Variants in ATP2B4 observed in about 807,000 individuals in gnomAD.
ATP2B4 encodes plasma membrane calcium-transporting ATPase 4.
A neutral mutation model predicts 110.3 loss-of-function variants in ATP2B4; 39 were observed. The observed-to-expected ratio is 0.35, with a 90% confidence interval of 0.27 to 0.46. The LOEUF (loss-of-function observed/expected upper bound fraction) is 0.46. Ranked by LOEUF, ATP2B4 falls within the 20% of genes least tolerant of loss-of-function variation. The probability of loss-of-function intolerance (pLI) is 1.00; values close to 1 mark genes in which losing one functional copy is unlikely to be tolerated. For missense variants in ATP2B4, 1,135 were observed against 1,530.9 expected (o/e 0.74, Z 4.32); for synonymous variants, 538 against 571.7 (o/e 0.94, Z 0.84).
intron 8 of ATP2B4, among the ~76,000 whole-genome samples, chr1:203,705,880 G>T (rs1010637813): frequency 6.6e-6 from 1 of 152,174 alleles, no homozygotes; most frequent in Admixed American, 6.5e-5. Context: ...ACTCTCAGTG[G>T]CTTGCTTCTC....
At chr1:203,695,699 G>GC (rs1352615987) in intron 2 of ATP2B4, among the ~76,000 whole-genome samples, 8 of 125,812 alleles carry the variant, frequency 6.4e-5, no homozygotes, top group East Asian at 2.2e-4. Flanking sequence ...TTCATCCCCT[G>GC]CCCCCCCACT....
intron 1 of ATP2B4, among the ~76,000 whole-genome samples, chr1:203,647,444 A>AC (rs397705400): frequency 2.0e-5 from 3 of 150,156 alleles, no homozygotes; most frequent in Non-Finnish European, 3.0e-5. Flanking sequence ...TCTAAAAAAA[A>AC]CAGAAAATAA....
intron 1 of ATP2B4, among the ~76,000 whole-genome samples, chr1:203,665,234 T>C (rs1005856615): frequency 2.4e-4 from 37 of 152,212 alleles, no homozygotes; most frequent in Non-Finnish European, 4.1e-4. Context: ...CTGGTGCCCA[T>C]GTTCAGGGCA....
chr1:203,666,509 A>C (rs1377838307), intron 1 of ATP2B4, among the ~76,000 whole-genome samples: 1 of 152,178 alleles, frequency 6.6e-6, no homozygotes, highest in East Asian at 1.9e-4. Context: ...TCGCTTTCCC[A>C]AAGTAGCTTA....
At chr1:203,713,099 A>G (rs1666059733) in intron 13 of ATP2B4, 66 bp from the exon 14 acceptor site, 1 of 1,551,268 alleles carries the variant, frequency 6.4e-7, no homozygotes, top group Non-Finnish European at 8.9e-7. Context: ...GTGTATGGAG[A>G]AGTTAAGATT....
intron 1 of ATP2B4, among the ~76,000 whole-genome samples, chr1:203,670,299 C>A (rs1340053552): frequency 6.6e-6 from 1 of 152,140 alleles, no homozygotes; most frequent in African/African-American, 2.4e-5. Flanking sequence ...CTGACTCAGC[C>A]TCCCAAGTAG....
chr1:203,693,982 C>G (rs1665460991), intron 2 of ATP2B4, among the ~76,000 whole-genome samples: 1 of 152,176 alleles, frequency 6.6e-6, no homozygotes, highest in African/African-American at 2.4e-5. Flanking sequence ...CAGTGGCCCT[C>G]TGTGGGGTGG....
chr1:203,635,097 C>G (rs1045038285), intron 1 of ATP2B4, among the ~76,000 whole-genome samples: 1 of 152,194 alleles, frequency 6.6e-6, no homozygotes, highest in African/African-American at 2.4e-5. Flanking sequence ...GCCTCAGCCT[C>G]CTGAGTAGCT....
In ATP2B4 at chr1:203,699,583, G is replaced by A; in HGVS notation, c.515G>A (p.Ser172Asn). The A allele has an allele frequency of 6.2e-7, 1 of 1,614,196 alleles. No homozygotes were observed. The highest frequency in any genetic ancestry group is 8.5e-7 in the Non-Finnish European group (1 of 1,180,040). ...TTAGTGACTGCCTTTAATGATTGGAGCAAAGAGAAGCAATTCCGGGGGCTG... is the reference window on the plus strand; with the variant it reads ...TTAGTGACTGCCTTTAATGATTGGAACAAAGAGAAGCAATTCCGGGGGCTG... ...VVLVTAFNDW[S>N]KEKQFRGLQC... Residue 172 changes from serine (S) to asparagine (N), a missense_variant, in exon 4 of 21, where the codon AGC becomes AAC. Ser to Asn is a conservative substitution (Grantham distance 46, BLOSUM62 1). Transcript: ENST00000357681.
At chr1:203,640,617 A>T (rs1486997775) in intron 1 of ATP2B4, among the ~76,000 whole-genome samples, 3 of 152,130 alleles carry the variant, frequency 2.0e-5, no homozygotes, top group Non-Finnish European at 4.4e-5. Context: ...GAGCCACTGC[A>T]CCCTGCTCTT....
chr1:203,652,310 AT>A (rs1483023452), intron 1 of ATP2B4, among the ~76,000 whole-genome samples: 2 of 151,700 alleles, frequency 1.3e-5, no homozygotes, highest in Non-Finnish European at 2.9e-5. Flanking sequence ...TGCCCGGCTA[AT>A]TTTTTTGTAT....
chr1:203,730,094 A>G (rs1666654307), intron 20 of ATP2B4, among the ~76,000 whole-genome samples: 1 of 152,006 alleles, frequency 6.6e-6, no homozygotes, highest in Non-Finnish European at 1.5e-5. Context: ...CTGAGGAGAA[A>G]CAATAAATCG....
At chr1:203,709,889 T>C (rs1282960149) in intron 11 of ATP2B4, among the ~76,000 whole-genome samples, 1 of 152,162 alleles carries the variant, frequency 6.6e-6, no homozygotes, top group Non-Finnish European at 1.5e-5. Context: ...CATTTCCTAA[T>C]CTGAAAACAG....
intron 1 of ATP2B4, among the ~76,000 whole-genome samples, chr1:203,642,586 T>C (rs1033081895): frequency 9.9e-5 from 15 of 152,228 alleles, no homozygotes; most frequent in African/African-American, 3.1e-4. Context: ...AAGTCTTATA[T>C]TGATATAGCA....
intron 1 of ATP2B4, chr1:203,657,099 A>G (rs1664185498): frequency 3.6e-6 from 3 of 832,122 alleles, no homozygotes; most frequent in Non-Finnish European, 6.2e-6. Context: ...CAATGACAAT[A>G]TCTTTGGTAA....
At chr1:203,695,719 C>T (rs1665514347) in intron 2 of ATP2B4, among the ~76,000 whole-genome samples, 1 of 143,572 alleles carries the variant, frequency 7.0e-6, no homozygotes, top group African/African-American at 2.5e-5. Context: ...TTTCATCTCC[C>T]ACCCCCCACA....
At chr1:203,702,902 T>C (rs987264347) in intron 7 of ATP2B4, among the ~76,000 whole-genome samples, 1 of 152,238 alleles carries the variant, frequency 6.6e-6, no homozygotes, top group African/African-American at 2.4e-5. Flanking sequence ...GAAATAATTC[T>C]TTAATTTTAG....
chr1:203,729,776 C>T lies in ATP2B4; in HGVS notation c.3309+2205C>T, dbSNP rs928546171. On this transcript the variant is annotated intron_variant, in intron 20 of 20. Transcript: ENST00000357681. ...ATCCAATTGGGCAGGCATTGGAGTC[C>T]GGGCACTGCCTGGAGCTCACCAGAA... 117 of 1,329,586 alleles carry T rather than the reference C, an allele frequency of 8.8e-5. 1 individual carries two copies. The South Asian group carries it at 1.1e-3, about 13-fold the overall frequency. The allele number at this position is 1,329,586 out of a possible 1,614,324, so 82.4% of individuals were successfully genotyped here.
intron 1 of ATP2B4, among the ~76,000 whole-genome samples, chr1:203,640,146 C>A (rs1471894865): frequency 6.6e-6 from 1 of 152,114 alleles, no homozygotes; most frequent in Non-Finnish European, 1.5e-5. Context: ...ATACGTAAAG[C>A]TTATTATTCC....
Sources: gnomAD v4.1 joint callset for allele counts (sites outside exome capture counted in the v4.1 genomes callset) on GRCh38, gnomAD v4.1.1 for gene constraint, MANE v1.5 for transcripts, NCBI Gene and HGNC (gene_info 2026-07-23, HGNC 2026-07-21) for gene names.